The following LMNA variants were observed in gnomAD, a reference collection of about 807,000 sequenced individuals.
LMNA encodes lamin.
A neutral mutation model predicts 70.4 loss-of-function variants in LMNA; 20 were observed. The observed-to-expected ratio is 0.28, with a 90% CI of 0.20 to 0.41. LMNA has a LOEUF of 0.41. Ranked by LOEUF, LMNA falls within the 10% of genes least tolerant of loss-of-function variation. The probability of loss-of-function intolerance (pLI) is 1.00; values close to 1 mark genes in which losing one functional copy is unlikely to be tolerated. For synonymous variants in LMNA, 339 were observed against 372.8 expected (o/e 0.91, Z 1.04); for missense variants, 652 against 917.2 (o/e 0.71, Z 3.73).
chr1:156,094,639 G>T (rs1572315302), intron 3 of LMNA, among the ~76,000 whole-genome samples: 1 of 152,028 alleles, frequency 6.6e-6, no homozygotes, highest in Non-Finnish European at 1.5e-5. Flanking sequence ...GTGAGCCACC[G>T]CACCTGGCCA....
In LMNA at chr1:156,139,302, GCA is replaced by G; in HGVS notation, c.*197_*198del. The G allele has an allele frequency of 1.6e-6, 2 of 1,252,548 alleles. No homozygotes were observed. The highest frequency in any genetic ancestry group is 4.2e-5 in the South Asian group (2 of 47,896). The allele number at this position is 1,252,548 out of a possible 1,614,324, so 77.6% of individuals were successfully genotyped here. On this transcript the variant is annotated 3_prime_UTR_variant, in exon 12 of 12. Coordinates refer to ENST00000368300, the MANE Select transcript of LMNA (RefSeq NM_170707.4). ...GTTTTATACTGAAGGAAAAACACAAGCAAAAAAAAAAAAAAGCATCTATCTCA... is the reference window on the plus strand; with the variant it reads ...GTTTTATACTGAAGGAAAAACACAAGAAAAAAAAAAAAAGCATCTATCTCA...
Position 156,138,442 on chromosome 1 carries a change from C to G in LMNA, c.1699-46C>G, listed in dbSNP as rs1021783416. The G allele has an allele frequency of 1.3e-6, 2 of 1,594,486 alleles. No individual in the cohort carries two copies. Among genetic ancestry groups the G allele is most frequent in the Non-Finnish European group, 1.7e-6 (2 of 1,172,108 alleles). On this transcript the variant is annotated intron_variant, in intron 10 of 11. Coordinates refer to ENST00000368300, the MANE Select transcript of LMNA (RefSeq NM_170707.4). This position sits in a 1 kb window ranked among gnomAD's most constrained non-coding sequence, Gnocchi z 5.5. ...TGGAGCCTGGTTGGGCCTGAGTGGT[C>G]AGTCCCAGACTCGCCGTCCCGCCTG...
At chr1:156,101,233 A>T (rs1649129525) in intron 3 of LMNA, among the ~76,000 whole-genome samples, 1 of 152,210 alleles carries the variant, frequency 6.6e-6, no homozygotes, top group African/African-American at 2.4e-5. Flanking sequence ...CACGCCTATA[A>T]TCCCAACACT....
At chr1:156,093,014 A>C (rs1444672781) in intron 3 of LMNA, among the ~76,000 whole-genome samples, 1 of 149,910 alleles carries the variant, frequency 6.7e-6, no homozygotes, top group Non-Finnish European at 1.5e-5. Context: ...TCAGCCTCCC[A>C]AGTAGCTAGG....
chr1:156,089,135 C>T (rs1648595749), intron 2 of LMNA, among the ~76,000 whole-genome samples: 1 of 151,912 alleles, frequency 6.6e-6, no homozygotes. Flanking sequence ...GCGCACCCTG[C>T]CTGGCTAATT....
chr1:156,112,007 G>A (rs1348190654), upstream of LMNA, among the ~76,000 whole-genome samples: 2 of 152,204 alleles, frequency 1.3e-5, no homozygotes, highest in Admixed American at 6.5e-5. Context: ...TCACTTTGAA[G>A]TTCAGATTTA....
At chr1:156,129,775 G>C in intron 1 of LMNA, 1 of 715,352 alleles carries the variant, frequency 1.4e-6, no homozygotes, top group Non-Finnish European at 2.6e-6. Flanking sequence ...GGTGGCAGAG[G>C]CAGCGCTGTT....
intron 2 of LMNA, among the ~76,000 whole-genome samples, chr1:156,133,374 T>A (rs370935085): frequency 6.6e-6 from 1 of 151,494 alleles, no homozygotes; most frequent in Non-Finnish European, 1.5e-5. Context: ...AGATCGAGAC[T>A]ATCCTGGCCA....
At chr1:156,097,930 GGTGCGT>G (rs976121746) in intron 3 of LMNA, among the ~76,000 whole-genome samples, 60 of 152,248 alleles carry the variant, frequency 3.9e-4, no homozygotes, top group Middle Eastern at 6.8e-3. Flanking sequence ...TAGGGGCAGG[GGTGCGT>G]GTGCGTGTGT....
At position 156,137,586 on chromosome 1, in the gene LMNA, T is replaced by G; in HGVS notation, c.1609-68T>G. On this transcript the variant is annotated intron_variant, in intron 9 of 11. Coordinates refer to ENST00000368300, the MANE Select transcript of LMNA (RefSeq NM_170707.4). This position sits in a 1 kb window ranked among gnomAD's most constrained non-coding sequence, Gnocchi z 4.6. ...CACAAGAAAAGTTGCAGGTGGTCAC[T>G]GGGGTAGACATGCTGTACAACCCTT... The G allele has an allele frequency of 2.1e-6, 3 of 1,402,726 alleles. No homozygotes were observed. The highest frequency in any genetic ancestry group is 3.0e-6 in the Non-Finnish European group (3 of 1,014,906). The allele number at this position is 1,402,726 out of a possible 1,614,324, so 86.9% of individuals were successfully genotyped here.
Position 156,136,894 on chromosome 1 carries a change from C to T in LMNA, c.1381-27C>T, listed in dbSNP as rs765153637. 1 of 1,601,558 alleles carries T rather than the reference C, an allele frequency of 6.2e-7. No individual in the cohort carries two copies. Among genetic ancestry groups the T allele is most frequent in the Non-Finnish European group, 8.5e-7 (1 of 1,171,660 alleles). ...CAAGAGCCTGGGTGAGCCTCCCCGA[C>T]CTTCCTCTTCCCTATCTTCCCGGCA... On this transcript the variant is annotated intron_variant, in intron 7 of 11. Transcript: ENST00000368300. The surrounding 1 kb of genome is among the most constrained non-coding windows in gnomAD (Gnocchi z 6.1).
At chr1:156,117,969 A>ATTTTTTTTTTTTTTTTTTTT (rs1186679791) in intron 1 of LMNA, among the ~76,000 whole-genome samples, 7 of 91,904 alleles carry the variant, frequency 7.6e-5, no homozygotes, top group Non-Finnish European at 1.2e-4. Context: ...CGCTTGGCTA[A>ATTTTTTTTTTTTTTTTTTTT]TTTTTTTTTT....
intron 2 of LMNA, among the ~76,000 whole-genome samples, chr1:156,131,601 A>T (rs989170158): frequency 2.0e-5 from 3 of 152,262 alleles, no homozygotes; most frequent in African/African-American, 7.2e-5. Flanking sequence ...ACATAAATAA[A>T]TACATAAAAT....
rs1281896947 is a variant in LMNA at position 156,136,931 on chromosome 1, T to C, written c.1391T>C (p.Met464Thr). The C allele has an allele frequency of 6.2e-7, 1 of 1,613,910 alleles. No homozygotes were observed. Among genetic ancestry groups the C allele is most frequent in the Non-Finnish European group, 8.5e-7 (1 of 1,179,900 alleles). ...CTATCTTCCCGGCAGGACCAGTCCA[T>C]GGGCAATTGGCAGATCAAGCGCCAG... ...LRNKSNEDQS[M>T]GNWQIKRQNG... is the part of the protein sequence containing the mutation. The change falls in exon 8 of 12, where the codon ATG (methionine) becomes ACG (threonine). Residue 464 changes from methionine (M) to threonine (T), a missense_variant. Transcript: ENST00000368300. The surrounding 1 kb of genome is among the most constrained non-coding windows in gnomAD (Gnocchi z 6.1).
At chr1:156,102,152 C>G (rs1649165327) in intron 3 of LMNA, among the ~76,000 whole-genome samples, 1 of 152,224 alleles carries the variant, frequency 6.6e-6, no homozygotes, top group African/African-American at 2.4e-5. Context: ...GGCCTTGATG[C>G]TCCCCAGCCC....
At chr1:156,121,040 T>C (rs1357800562) in intron 1 of LMNA, among the ~76,000 whole-genome samples, 1 of 142,622 alleles carries the variant, frequency 7.0e-6, no homozygotes, top group Admixed American at 6.9e-5. Context: ...CACCACCAAA[T>C]CCATTCTTTT....
chr1:156,131,037 C>T (rs549387688), intron 2 of LMNA, among the ~76,000 whole-genome samples: 9 of 152,160 alleles, frequency 5.9e-5, no homozygotes, highest in Non-Finnish European at 8.8e-5. Flanking sequence ...TTTAGGAGGC[C>T]GAGGTGGGCC....
chr1:156,084,330 G>GGGGC (rs1553259238), intron 2 of LMNA, among the ~76,000 whole-genome samples: 2 of 90,064 alleles, frequency 2.2e-5, no homozygotes, highest in East Asian at 1.0e-3. Flanking sequence ...CAGAAGGTCG[G>GGGGC]GGGGTGGTGG....
At position 156,103,934 on chromosome 1, in the gene LMNA, G is replaced by C. The variant is rs913080264; in HGVS notation, c.-206-10779G>C. On this transcript the variant is annotated intron_variant, in intron 3 of 12. Coordinates refer to the LMNA transcript ENST00000368301. The surrounding 1 kb of genome is among the most constrained non-coding windows in gnomAD (Gnocchi z 4.7). The stretch of plus-strand genomic sequence containing the variant: ...GTCACTCCTTTCCTTCCCCGAACCC[G>C]GCCTCAGTTCCTGGGACATCCTGGC... 6.6e-6 allele frequency among the ~76,000 whole-genome samples: 1 copy of C among 152,048 alleles called. No homozygotes were observed. Among genetic ancestry groups the C allele is most frequent in the Non-Finnish European group, 1.5e-5 (1 of 68,008 alleles).
Sources: gnomAD v4.1 joint callset for allele counts (sites outside exome capture counted in the v4.1 genomes callset) on GRCh38, gnomAD v4.1.1 for gene constraint, Gnocchi (gnomAD v3.1) non-coding constraint, MANE v1.5 for transcripts, NCBI Gene and HGNC (gene_info 2026-07-23, HGNC 2026-07-21) for gene names.